FAAH2: variants seen among roughly 807,000 people sequenced by gnomAD.
FAAH2 encodes fatty acid amide hydrolase 2, also known as fatty-acid amide hydrolase 2.
Under a neutral mutation model 36.9 loss-of-function variants are expected in FAAH2, and 60 were observed. The ratio of observed to expected loss-of-function variants is 1.63; its 90% CI spans 1.32 to 2.02. The LOEUF is 2.02. FAAH2 is among the 30% of genes most tolerant of loss of function. The pLI is 0.00. For missense variants in FAAH2, 689 were observed against 397.5 expected (o/e 1.73, Z -6.23); for synonymous variants, 214 against 143.8 (o/e 1.49, Z -3.49).
intron 7 of FAAH2, among the ~76,000 whole-genome samples, chrX:57,429,190 T>A (rs912320760): frequency 2.8e-5 from 3 of 108,524 alleles, no homozygotes; most frequent in South Asian, 4.1e-4. Flanking sequence ...AAAAAAAAAA[T>A]TAGCTGGGCG....
At chrX:57,444,506 TCATGGCTTC>T (rs1308107026) in intron 8 of FAAH2, among the ~76,000 whole-genome samples, 1 of 111,641 alleles carries the variant, frequency 9.0e-6, no homozygotes, top group Non-Finnish European at 1.9e-5. Context: ...GTACCGTATG[TCATGGCTTC>T]CCTTGGCTAG....
the FAAH2 span, among the ~76,000 whole-genome samples, chrX:57,146,893 C>T: frequency 9.0e-6 from 1 of 111,731 alleles, no homozygotes; most frequent in Non-Finnish European, 1.9e-5. Context: ...GCTAAACCAT[C>T]CCTGATTCCC....
At chrX:57,169,410 A>G in the FAAH2 span, among the ~76,000 whole-genome samples, 1 of 92,583 alleles carries the variant, frequency 1.1e-5, no homozygotes, top group Non-Finnish European at 2.2e-5. Flanking sequence ...TCCTTCCAAA[A>G]TGACTGCTCC....
At chrX:57,171,013 A>T in the FAAH2 span, among the ~76,000 whole-genome samples, 1 of 111,199 alleles carries the variant, frequency 9.0e-6, no homozygotes, top group African/African-American at 3.3e-5. Flanking sequence ...ACCGGCCTGT[A>T]TTTATTTTTT....
intron 7 of FAAH2, among the ~76,000 whole-genome samples, chrX:57,384,486 C>G (rs1338836662): frequency 9.2e-6 from 1 of 109,057 alleles, no homozygotes; most frequent in African/African-American, 3.3e-5. Context: ...AAGAAAAAAA[C>G]AAACAACCCC....
chrX:57,258,388 AAT>A, the FAAH2 span, among the ~76,000 whole-genome samples: 4 of 111,456 alleles, frequency 3.6e-5, no homozygotes, highest in Non-Finnish European at 3.8e-5. Context: ...ATTTGGCAAT[AAT>A]TTTTTTAAGC....
At chrX:57,140,209 T>A in the FAAH2 span, among the ~76,000 whole-genome samples, 1 of 110,604 alleles carries the variant, frequency 9.0e-6, no homozygotes, top group Admixed American at 9.7e-5. Context: ...TAAAATCAGT[T>A]TCTTAGTTAC....
chrX:57,281,883 T>C (rs1413276297), upstream of FAAH2, among the ~76,000 whole-genome samples: 2 of 112,085 alleles, frequency 1.8e-5, no homozygotes, highest in Non-Finnish European at 3.8e-5. Context: ...TCCATGTTTC[T>C]CCAAAGGGCA....
At chrX:57,419,052 A>C (rs1213248050) in intron 7 of FAAH2, among the ~76,000 whole-genome samples, 4 of 106,079 alleles carry the variant, frequency 3.8e-5, no homozygotes, top group Non-Finnish European at 5.8e-5. Context: ...TGAACTCATC[A>C]TTTTTTATGG....
At chrX:57,343,879 A>T (rs897977233) in intron 5 of FAAH2, among the ~76,000 whole-genome samples, 1 of 111,025 alleles carries the variant, frequency 9.0e-6, no homozygotes, top group African/African-American at 3.3e-5. Context: ...AAGTCCTGTT[A>T]CCCTTGCTTT....
the FAAH2 span, among the ~76,000 whole-genome samples, chrX:57,168,045 T>C: frequency 3.6e-5 from 4 of 112,182 alleles, no homozygotes. Flanking sequence ...AATATAATTA[T>C]AATGAGTTTA....
At chrX:57,232,335 G>A in the FAAH2 span, among the ~76,000 whole-genome samples, 7 of 111,762 alleles carry the variant, frequency 6.3e-5, no homozygotes, top group Non-Finnish European at 1.1e-4. Context: ...AAAATGGTGA[G>A]GGAGAGGGCT....
At chrX:57,387,142 A>T (rs983258602) in intron 7 of FAAH2, among the ~76,000 whole-genome samples, 1 of 111,717 alleles carries the variant, frequency 9.0e-6, no homozygotes, top group African/African-American at 3.2e-5. Flanking sequence ...CTGATTAAAA[A>T]TTATTTTTTG....
intron 6 of FAAH2, among the ~76,000 whole-genome samples, chrX:57,379,742 T>C (rs756726851): frequency 9.0e-6 from 1 of 110,524 alleles, no homozygotes; most frequent in African/African-American, 3.3e-5. Flanking sequence ...AATTCTCACA[T>C]TGCCATCTCA....
chrX:57,243,799 G>GA, the FAAH2 span, among the ~76,000 whole-genome samples: 2 of 110,796 alleles, frequency 1.8e-5, no homozygotes, highest in African/African-American at 6.6e-5. Flanking sequence ...AGAAACAAGC[G>GA]AAAAAAGGCT....
chrX:57,283,058 G>A (rs1391009946), upstream of FAAH2, among the ~76,000 whole-genome samples: 2 of 112,350 alleles, frequency 1.8e-5, no homozygotes, highest in Non-Finnish European at 3.8e-5. Context: ...TCAGTCAAGG[G>A]TGGGGCAGCT....
At chrX:57,299,972 G>C (rs1224150844) in intron 2 of FAAH2, among the ~76,000 whole-genome samples, 1 of 111,546 alleles carries the variant, frequency 9.0e-6, no homozygotes, top group Non-Finnish European at 1.9e-5. Context: ...CAAACAAATG[G>C]AAGAAAATTC....
chrX:57,277,269 A>T, the FAAH2 span, among the ~76,000 whole-genome samples: 3 of 112,174 alleles, frequency 2.7e-5, no homozygotes, highest in Non-Finnish European at 5.6e-5. Context: ...GGCTGGTTCA[A>T]CATATGCAAA....
At chrX:57,302,656 G>A (rs6611612) in intron 2 of FAAH2, among the ~76,000 whole-genome samples, 60,249 of 109,771 alleles carry the variant, frequency 0.55, 14,441 homozygotes, top group Non-Finnish European at 0.74. Context: ...CTATCCAAGG[G>A]GTAGAATCCT....
Sources: allele counts gnomAD v4.1 joint callset (sites outside exome capture counted in the v4.1 genomes callset), GRCh38; gene constraint gnomAD v4.1.1; transcripts MANE v1.5; gene names NCBI Gene and HGNC (gene_info 2026-07-23, HGNC 2026-07-21).